The following ELMO1 variants were observed in gnomAD, a reference collection of about 807,000 sequenced individuals.
ELMO1 encodes the protein engulfment and cell motility 1, also known as engulfment and cell motility protein 1.
ELMO1 carries 26 observed loss-of-function variants against 98.9 expected under a neutral mutation model. The ratio of observed to expected loss-of-function variants is 0.26; its 90% confidence interval spans 0.19 to 0.36. The LOEUF (loss-of-function observed/expected upper bound fraction) is 0.36. Ranked by LOEUF, ELMO1 falls within the 10% of genes least tolerant of loss-of-function variation. The pLI, the probability that ELMO1 is intolerant of heterozygous loss-of-function variation, is 1.00. For synonymous variants in ELMO1, 346 were observed against 346.0 expected (o/e 1.00, Z 0.00); for missense variants, 627 against 935.2 (o/e 0.67, Z 4.30).
chr7:37,384,595 C>T (rs1264700489), intron 1 of ELMO1, among the ~76,000 whole-genome samples: 3 of 152,038 alleles, frequency 2.0e-5, no homozygotes, highest in Non-Finnish European at 4.4e-5. Context: ...TGGTGGGCGC[C>T]TGTAGTCCCA....
chr7:37,178,333 G>A (rs186096336), intron 13 of ELMO1, among the ~76,000 whole-genome samples: 51 of 151,712 alleles, frequency 3.4e-4, no homozygotes, highest in African/African-American at 1.2e-3. Context: ...TCACTACCAC[G>A]AGAATAGCAT....
chr7:36,943,126 C>T (rs564342025), intron 16 of ELMO1, among the ~76,000 whole-genome samples: 82 of 152,298 alleles, frequency 5.4e-4, no homozygotes, highest in African/African-American at 1.9e-3. Context: ...GCTCCAGTTC[C>T]CACATCTGTA....
intron 15 of ELMO1, among the ~76,000 whole-genome samples, chr7:37,074,740 G>A (rs1797470821): frequency 6.6e-6 from 1 of 152,222 alleles, no homozygotes; most frequent in African/African-American, 2.4e-5. Flanking sequence ...GCTAGGGAGA[G>A]AACGTACCAA....
chr7:36,910,739 G>C (rs1231911092), intron 16 of ELMO1, among the ~76,000 whole-genome samples: 1 of 152,156 alleles, frequency 6.6e-6, no homozygotes, highest in Non-Finnish European at 1.5e-5. Flanking sequence ...GCTTTGATAG[G>C]ACCAGATATA....
At chr7:36,868,630 G>T (rs946912808) in intron 20 of ELMO1, among the ~76,000 whole-genome samples, 1 of 152,264 alleles carries the variant, frequency 6.6e-6, no homozygotes, top group Admixed American at 6.5e-5. Flanking sequence ...TTACAGGCGC[G>T]AGCCACCACA....
At chr7:36,984,032 T>C (rs1422699044) in intron 16 of ELMO1, among the ~76,000 whole-genome samples, 1 of 151,998 alleles carries the variant, frequency 6.6e-6, no homozygotes, top group African/African-American at 2.4e-5. Context: ...CTCTCATTCT[T>C]ACCAACAGGT....
At position 37,017,436 on chromosome 7, in the gene ELMO1, A is replaced by G. The variant is rs73342285; in HGVS notation, c.1301-4001T>C. Among the ~76,000 whole-genome samples, 1,099 of 152,340 alleles carry G rather than the reference A, an allele frequency of 7.2e-3. 14 individuals carry two copies. The highest frequency in any genetic ancestry group is 0.025 in the African/African-American group (1,053 of 41,576). On this transcript the variant is annotated intron_variant, in intron 15 of 21. Coordinates refer to ENST00000310758, the MANE Select transcript of ELMO1 (RefSeq NM_014800.11). The stretch of plus-strand genomic sequence containing the variant: ...TGACAACAATGTGCCCAGCTAAAAA[A>G]GTACAATTTGCGCCTCCCTTGTGAT...
chr7:37,264,181 A>G (rs779769862), intron 5 of ELMO1, among the ~76,000 whole-genome samples: 6 of 152,324 alleles, frequency 3.9e-5, no homozygotes, highest in Non-Finnish European at 7.3e-5. Flanking sequence ...GAGTGTGTGT[A>G]TCTGCCAGAA....
chr7:37,332,543 C>T (rs1416794564), intron 2 of ELMO1, among the ~76,000 whole-genome samples: 1 of 152,218 alleles, frequency 6.6e-6, no homozygotes, highest in East Asian at 1.9e-4. Context: ...AAGGAACTTA[C>T]ACTTCATCTG....
chr7:37,289,709 G>A (rs753224307), intron 4 of ELMO1, among the ~76,000 whole-genome samples: 8 of 152,144 alleles, frequency 5.3e-5, no homozygotes, highest in Non-Finnish European at 8.8e-5. Context: ...GCACACACCA[G>A]AGAAAGAATG....
chr7:36,948,357 G>A (rs553815496), intron 16 of ELMO1, among the ~76,000 whole-genome samples: 8 of 152,240 alleles, frequency 5.3e-5, no homozygotes, highest in East Asian at 1.9e-4. Flanking sequence ...ACCAAAGTCC[G>A]GAGTAAGGAG....
intron 13 of ELMO1, among the ~76,000 whole-genome samples, chr7:37,182,544 G>A (rs780179247): frequency 1.0e-4 from 14 of 136,514 alleles, no homozygotes; most frequent in East Asian, 2.2e-4. Context: ...GATCGGTCTC[G>A]CTCTCCTTCT....
At chr7:36,872,136 A>G (rs10227527) in intron 19 of ELMO1, among the ~76,000 whole-genome samples, 7,691 of 152,290 alleles carry the variant, frequency 0.051, 409 homozygotes, top group East Asian at 0.25. Flanking sequence ...GAAATGTGAA[A>G]GAAAATGCTT....
chr7:37,289,245 T>C (rs2723961), intron 4 of ELMO1, among the ~76,000 whole-genome samples: 53,362 of 152,062 alleles, frequency 0.35, 10,514 homozygotes, highest in Middle Eastern at 0.54. Context: ...CCCCTTCCCC[T>C]CTCTCACAAT....
chr7:36,862,812 C>A lies in ELMO1; in HGVS notation c.1906-1076G>T, dbSNP rs555735288. Among the ~76,000 whole-genome samples the A allele has an allele frequency of 2.6e-3, 393 of 152,310 alleles. 3 individuals are homozygous for A. Among genetic ancestry groups the A allele is most frequent in the African/African-American group, 9.0e-3 (376 of 41,572 alleles). The stretch of plus-strand genomic sequence containing the variant: ...AGCCACACTGCTCAGTAATTGCCCA[C>A]AAAACATTCTTTCTTAGGGAGCCAA... On this transcript the variant is annotated intron_variant, in intron 20 of 21. Coordinates refer to ENST00000310758, the MANE Select transcript of ELMO1 (RefSeq NM_014800.11).
At chr7:37,066,454 G>C (rs1304319130) in intron 15 of ELMO1, among the ~76,000 whole-genome samples, 14 of 152,170 alleles carry the variant, frequency 9.2e-5, no homozygotes, top group Non-Finnish European at 1.6e-4. Context: ...TGGCCACTGG[G>C]TTGTCCCTTG....
chr7:36,907,795 C>G (rs917222008), intron 16 of ELMO1, among the ~76,000 whole-genome samples: 1 of 152,208 alleles, frequency 6.6e-6, no homozygotes, highest in Non-Finnish European at 1.5e-5. Context: ...TGGCAGACAT[C>G]ACTAATCTAT....
intron 10 of ELMO1, among the ~76,000 whole-genome samples, chr7:37,220,484 T>C (rs1262821603): frequency 1.3e-5 from 2 of 152,190 alleles, no homozygotes; most frequent in African/African-American, 4.8e-5. Flanking sequence ...GGTGGTTTAT[T>C]AGAATAATAT....
chr7:37,205,850 T>C (rs1300230147), intron 13 of ELMO1, among the ~76,000 whole-genome samples: 1 of 152,132 alleles, frequency 6.6e-6, no homozygotes, highest in African/African-American at 2.4e-5. Flanking sequence ...AAATACGGAA[T>C]CCATGAATAA....
Sources: allele counts gnomAD v4.1 joint callset (sites outside exome capture counted in the v4.1 genomes callset), GRCh38; gene constraint gnomAD v4.1.1; transcripts MANE v1.5; gene names NCBI Gene and HGNC (gene_info 2026-07-23, HGNC 2026-07-21).